Variants in PDE4DIP observed in about 807,000 individuals in gnomAD.
PDE4DIP encodes phosphodiesterase 4D interacting protein, also known as myomegalin.
A neutral mutation model predicts 221.4 loss-of-function variants in PDE4DIP; 59 were observed. The ratio of observed to expected loss-of-function variants is 0.27; its 90% CI spans 0.22 to 0.33. PDE4DIP has a LOEUF of 0.33. Among genes scored for constraint, PDE4DIP ranks in the 10% least tolerant of loss-of-function variants. The pLI is 1.00. For missense variants in PDE4DIP, 1,036 were observed against 2,154.2 expected (o/e 0.48, Z 10.28); for synonymous variants, 404 against 815.9 (o/e 0.50, Z 8.60).
chr1:148,949,782 G>C (rs1373527321), intron 5 of PDE4DIP, among the ~76,000 whole-genome samples: 1 of 151,838 alleles, frequency 6.6e-6, no homozygotes, highest in Non-Finnish European at 1.5e-5. Flanking sequence ...ACTAATTCTA[G>C]TACAATAGCT....
intron 1 of PDE4DIP, among the ~76,000 whole-genome samples, chr1:148,927,771 C>T (rs1411427661): frequency 6.6e-6 from 1 of 152,226 alleles, no homozygotes; most frequent in South Asian, 2.1e-4. Context: ...AGGGACTAAT[C>T]CATCTTTGCA....
Position 149,029,479 on chromosome 1 carries a change from T to G in PDE4DIP, c.6814-308T>G, listed in dbSNP as rs1193851371. On this transcript the variant is annotated intron_variant, in intron 41 of 43. Coordinates refer to ENST00000369354, the Ensembl canonical transcript of PDE4DIP. ...TGAAGGGAGAGTGACAGAACTGATATCAGGACTAAAGCAAGGTCCTCTTCA... is the reference window on the plus strand; with the variant it reads ...TGAAGGGAGAGTGACAGAACTGATAGCAGGACTAAAGCAAGGTCCTCTTCA... Among the ~76,000 whole-genome samples, 12 of 152,244 alleles carry G rather than the reference T, an allele frequency of 7.9e-5. No homozygotes were observed. In the East Asian group the frequency reaches 2.1e-3, roughly 27 times the overall value.
intron 22 of PDE4DIP, among the ~76,000 whole-genome samples, chr1:148,996,700 G>A (rs1374845080): frequency 6.6e-6 from 1 of 152,190 alleles, no homozygotes; most frequent in Non-Finnish European, 1.5e-5. Context: ...CTTTGTTACG[G>A]GGAATAGCAA....
At chr1:148,929,422 G>A (rs2047350234) in intron 2 of PDE4DIP, 149 bp downstream of exon 5, 2 of 1,186,454 alleles carry the variant, frequency 1.7e-6, no homozygotes, top group Non-Finnish European at 2.3e-6. Context: ...TTCATATGCT[G>A]TGTTTCCCTT....
intron 1 of PDE4DIP, among the ~76,000 whole-genome samples, chr1:148,906,967 T>G (rs1553450809): frequency 6.6e-6 from 1 of 151,050 alleles, no homozygotes; most frequent in African/African-American, 2.5e-5. Flanking sequence ...GAGAATTGCT[T>G]GAACCTGGGA....
At chr1:148,998,743 T>C (rs2064905902) in intron 23 of PDE4DIP, among the ~76,000 whole-genome samples, 2 of 145,232 alleles carry the variant, frequency 1.4e-5, no homozygotes, top group South Asian at 4.6e-4. Context: ...ATTTTTTTTT[T>C]TTTTTTTCGT....
At chr1:148,867,740 G>A (rs1437649368) in intron 2 of PDE4DIP, among the ~76,000 whole-genome samples, 1 of 133,812 alleles carries the variant, frequency 7.5e-6, no homozygotes, top group Non-Finnish European at 1.7e-5. Flanking sequence ...TGTCTGCTCT[G>A]TGTTACAGGG....
At chr1:148,923,114 T>C (rs2045853291) in intron 1 of PDE4DIP, among the ~76,000 whole-genome samples, 2 of 138,596 alleles carry the variant, frequency 1.4e-5, no homozygotes, top group Non-Finnish European at 3.1e-5. Flanking sequence ...ATTTTTGTAT[T>C]TTTAGTAGAG....
At chr1:149,009,686 A>G (rs1553603111) in exon 30 of PDE4DIP, 1 of 1,614,174 alleles carries the variant, frequency 6.2e-7, no homozygotes, top group Non-Finnish European at 8.5e-7. Context: ...CCGCTCTCCC[A>G]GCAGCACCTC....
intron 5 of PDE4DIP, among the ~76,000 whole-genome samples, chr1:148,944,156 T>C (rs1272674824): frequency 6.6e-6 from 1 of 152,186 alleles, no homozygotes; most frequent in African/African-American, 2.4e-5. Flanking sequence ...CAAGTTACTA[T>C]AGGTACAAAA....
intron 5 of PDE4DIP, 41 bp downstream of exon 8, chr1:148,937,905 C>T (rs1205062765): frequency 3.1e-6 from 2 of 646,682 alleles, no homozygotes; most frequent in Non-Finnish European, 5.6e-6. Flanking sequence ...TTGCTTCATG[C>T]TTTCATAAGC....
chr1:149,026,017 A>T (rs2075040437), intron 38 of PDE4DIP: 1 of 148,820 alleles, frequency 6.7e-6, no homozygotes, highest in Admixed American at 6.7e-5. Flanking sequence ...TTCTTCTCTC[A>T]CTGGCTTCCC....
chr1:148,961,125 T>C (rs1446789315), intron 6 of PDE4DIP, among the ~76,000 whole-genome samples: 15 of 152,102 alleles, frequency 9.9e-5, no homozygotes, highest in Non-Finnish European at 2.2e-4. Context: ...GCCAACATGG[T>C]GAAACCCTGT....
At chr1:148,824,212 A>G (rs1220822727) in intron 1 of PDE4DIP, among the ~76,000 whole-genome samples, 2 of 145,210 alleles carry the variant, frequency 1.4e-5, no homozygotes, top group Admixed American at 6.9e-5. Flanking sequence ...TCAAGCACTC[A>G]GCTGGGGCTG....
intron 2 of PDE4DIP, 109 bp downstream of exon 5, chr1:148,929,382 T>C: frequency 7.0e-7 from 1 of 1,426,214 alleles, no homozygotes; most frequent in Admixed American, 2.2e-5. Flanking sequence ...TTGAATCCTG[T>C]ATCTGATTCA....
At chr1:148,822,511 C>A (rs1669551071) in intron 1 of PDE4DIP, among the ~76,000 whole-genome samples, 2 of 151,158 alleles carry the variant, frequency 1.3e-5, no homozygotes, top group African/African-American at 4.9e-5. Flanking sequence ...ACCTGATGAT[C>A]ATTCCAAATC....
In PDE4DIP at chr1:148,961,417, G is replaced by C. The variant is rs1264994288; in HGVS notation, c.769-420G>C. ...TACTTTCTAGCCCATGAATTTTAAT[G>C]TCTGGCTTAGAAGAAAATTGCTACA... On this transcript the variant is annotated intron_variant, in intron 6 of 43. Coordinates refer to ENST00000369354, the Ensembl canonical transcript of PDE4DIP. Among the ~76,000 whole-genome samples the C allele has an allele frequency of 7.9e-5, 12 of 152,124 alleles. No individual in the cohort carries two copies. The East Asian group carries it at 2.1e-3, about 27-fold the overall frequency.
At chr1:148,899,016 G>C (rs1370638314) in intron 1 of PDE4DIP, among the ~76,000 whole-genome samples, 1 of 104,706 alleles carries the variant, frequency 9.6e-6, no homozygotes, top group Non-Finnish European at 1.8e-5. Context: ...ATTTTTAGTA[G>C]AGATGGGGTT....
intron 1 of PDE4DIP, among the ~76,000 whole-genome samples, chr1:148,890,796 ACTATGTTGTC>A (rs1165152190): frequency 1.2e-4 from 10 of 82,234 alleles, no homozygotes; most frequent in African/African-American, 4.4e-4. Context: ...AAGGGGTGGC[ACTATGTTGTC>A]CAGGCTGGTC....
Sources: gnomAD v4.1 joint callset for allele counts (sites outside exome capture counted in the v4.1 genomes callset) on GRCh38, gnomAD v4.1.1 for gene constraint, MANE v1.5 for transcripts, NCBI Gene and HGNC (gene_info 2026-07-23, HGNC 2026-07-21) for gene names.